ZNF544: variants seen among roughly 807,000 people sequenced by gnomAD.
ZNF544 encodes the protein zinc finger protein 544.
In ZNF544, 10 loss-of-function variants were observed where a neutral mutation model predicts 13.5. That is an observed-to-expected ratio of 0.74 (90% confidence interval 0.46 to 1.25). The LOEUF (loss-of-function observed/expected upper bound fraction) is 1.25. ZNF544 is among the 50% of genes most tolerant of loss of function. The pLI is 0.00. For missense variants in ZNF544, 896 were observed against 845.6 expected (o/e 1.06, Z -0.74); for synonymous variants, 323 against 300.5 (o/e 1.07, Z -0.77).
chr19:58,256,562 G>C (rs1460527291), intron 6 of ZNF544, among the ~76,000 whole-genome samples: 1 of 152,168 alleles, frequency 6.6e-6, no homozygotes, highest in African/African-American at 2.4e-5. Context: ...TACAAGAAGA[G>C]CAACGGTACC....
chr19:58,244,612 A>G (rs180796881), intron 4 of ZNF544, among the ~76,000 whole-genome samples: 21 of 151,844 alleles, frequency 1.4e-4, no homozygotes, highest in East Asian at 3.9e-4. Flanking sequence ...ATCTCCCTCT[A>G]TTGCCCAGGC....
chr19:58,266,597 G>A (rs1000046687), downstream of ZNF544: 1 of 152,016 alleles, frequency 6.6e-6, no homozygotes, highest in Non-Finnish European at 1.5e-5. Flanking sequence ...AGAGGGTCAG[G>A]CGAGGAGAGG....
chr19:58,268,253 CTAG>C (rs2050183370), downstream of ZNF544, among the ~76,000 whole-genome samples: 1 of 152,004 alleles, frequency 6.6e-6, no homozygotes, highest in South Asian at 2.1e-4. Flanking sequence ...GAGCCGAGGT[CTAG>C]TGCCATTACA....
In ZNF544 at chr19:58,243,945, C is replaced by T. The variant is rs2024247039; in HGVS notation, c.-59-20C>T. ...TTGCAGGAGCCGAGGGGCTGAATCT[C>T]TGCTTGTTTTCCACCCCAGACTGGT... is the stretch of plus-strand genomic sequence containing the variant. On this transcript the variant is annotated intron_variant, in intron 3 of 6. Transcript: ENST00000687789. 1 of 1,533,298 alleles carries T rather than the reference C, an allele frequency of 6.5e-7. No individual in the cohort carries two copies. The highest frequency in any genetic ancestry group is 8.8e-7 in the Non-Finnish European group (1 of 1,135,526). The allele number at this position is 1,533,298 out of a possible 1,614,324, so 95.0% of individuals were successfully genotyped here.
At chr19:58,240,253 TTTTC>T (rs1371620652) in intron 3 of ZNF544, among the ~76,000 whole-genome samples, 2 of 151,732 alleles carry the variant, frequency 1.3e-5, no homozygotes, top group Non-Finnish European at 1.5e-5. Context: ...AGACCTTTCT[TTTTC>T]TTTCTTTTTT....
intron 6 of ZNF544, among the ~76,000 whole-genome samples, chr19:58,253,333 A>G (rs912195034): frequency 3.3e-5 from 5 of 152,220 alleles, no homozygotes; most frequent in African/African-American, 1.2e-4. Context: ...TTTTTTTATT[A>G]CCAATGAATA....
rs1182103019 is a variant in ZNF544 at position 58,263,016 on chromosome 19, A to G, written c.*262A>G. 2 of 1,234,064 alleles carry G rather than the reference A, an allele frequency of 1.6e-6. No homozygotes were observed. The highest frequency in any genetic ancestry group is 3.9e-5 in the Admixed American group (1 of 25,504). The allele number at this position is 1,234,064 out of a possible 1,614,324, so 76.4% of individuals were successfully genotyped here. ...CCCTATGAATGTGACCATTGCGAGAAAGCCTTTAGCCAACGGTGTCAACTT... is the reference window on the plus strand; with the variant it reads ...CCCTATGAATGTGACCATTGCGAGAGAGCCTTTAGCCAACGGTGTCAACTT... On this transcript the variant is annotated 3_prime_UTR_variant, in exon 7 of 7. Transcript: ENST00000687789.
intron 6 of ZNF544, among the ~76,000 whole-genome samples, chr19:58,251,149 A>G (rs1157360695): frequency 6.6e-6 from 1 of 152,242 alleles, no homozygotes; most frequent in African/African-American, 2.4e-5. Flanking sequence ...ACTTTGCTTA[A>G]TTATTACAAA....
intron 3 of ZNF544, among the ~76,000 whole-genome samples, chr19:58,235,041 T>C (rs2042094938): frequency 6.6e-6 from 1 of 152,232 alleles, no homozygotes; most frequent in African/African-American, 2.4e-5. Context: ...TCAAAGGACA[T>C]GCAGTTACCA....
chr19:58,273,480 G>T (rs1392414033), intron 5 of ZNF544, among the ~76,000 whole-genome samples: 1 of 152,026 alleles, frequency 6.6e-6, no homozygotes, highest in Non-Finnish European at 1.5e-5. Context: ...CACCAGGTCA[G>T]GAGATAGAGA....
intron 6 of ZNF544, among the ~76,000 whole-genome samples, chr19:58,249,708 C>G (rs2045980584): frequency 6.6e-6 from 1 of 152,154 alleles, no homozygotes; most frequent in African/African-American, 2.4e-5. Flanking sequence ...AGAAAAAGAC[C>G]TAAGCCCCCC....
chr19:58,242,056 C>A (rs2069142499), intron 3 of ZNF544: 1 of 164,644 alleles, frequency 6.1e-6, no homozygotes, highest in Non-Finnish European at 1.3e-5. Flanking sequence ...GGAGAGTATT[C>A]CTGCAGAATT....
chr19:58,259,694 A>T (rs2048471634), intron 6 of ZNF544: 1 of 152,048 alleles, frequency 6.6e-6, no homozygotes, highest in African/African-American at 2.4e-5. Context: ...CCTTTCTCCT[A>T]TAGGAACACT....
chr19:58,265,555 A>T (rs1478239996), downstream of ZNF544, among the ~76,000 whole-genome samples: 1 of 151,954 alleles, frequency 6.6e-6, no homozygotes, highest in East Asian at 1.9e-4. Flanking sequence ...TCGGCCTCCC[A>T]AAGTGCTGGG....
At chr19:58,264,384 CA>C (rs34082011), downstream of ZNF544, among the ~76,000 whole-genome samples, 33,403 of 91,092 alleles carry the variant, frequency 0.37, 4,396 homozygotes, top group Middle Eastern at 0.47. Flanking sequence ...AACTTCATCT[CA>C]AAAAAAAAAA....
chr19:58,234,086 C>T (rs2041903531), intron 3 of ZNF544, among the ~76,000 whole-genome samples: 1 of 152,178 alleles, frequency 6.6e-6, no homozygotes, highest in Non-Finnish European at 1.5e-5. Context: ...ACTTCTTCTC[C>T]TCATTCCACC....
At chr19:58,232,701 G>A (rs1414332336) in intron 3 of ZNF544, among the ~76,000 whole-genome samples, 5 of 150,364 alleles carry the variant, frequency 3.3e-5, no homozygotes, top group Non-Finnish European at 5.9e-5. Context: ...AGGCCGAGGC[G>A]GCCGGATCAC....
chr19:58,274,468 C>T (rs978327224), intron 5 of ZNF544, among the ~76,000 whole-genome samples: 4 of 152,148 alleles, frequency 2.6e-5, no homozygotes, highest in Non-Finnish European at 5.9e-5. Flanking sequence ...GCCAGCAAAC[C>T]ACCAAAAACT....
intron 6 of ZNF544, chr19:58,258,739 T>A (rs1325924281): frequency 1.3e-5 from 2 of 152,474 alleles, no homozygotes; most frequent in Non-Finnish European, 2.9e-5. Flanking sequence ...GGCCACAGAG[T>A]GTAGTTAATG....
Sources: allele counts gnomAD v4.1 joint callset (sites outside exome capture counted in the v4.1 genomes callset), GRCh38; gene constraint gnomAD v4.1.1; transcripts MANE v1.5; gene names NCBI Gene and HGNC (gene_info 2026-07-23, HGNC 2026-07-21).